SLC8A3: variants seen among roughly 807,000 people sequenced by gnomAD.
SLC8A3 encodes sodium/calcium exchanger 3.
A neutral mutation model predicts 65.4 loss-of-function variants in SLC8A3; 37 were observed. The ratio of observed to expected loss-of-function variants is 0.57; its 90% CI spans 0.44 to 0.74. The LOEUF (loss-of-function observed/expected upper bound fraction) is 0.74. Among genes scored for constraint, SLC8A3 ranks in the 30% least tolerant of loss-of-function variants. The pLI, the probability that SLC8A3 is intolerant of heterozygous loss-of-function variation, is 0.00. For missense variants in SLC8A3, 1,112 were observed against 1,172.1 expected (o/e 0.95, Z 0.75); for synonymous variants, 461 against 444.5 (o/e 1.04, Z -0.47).
intron 3 of SLC8A3, among the ~76,000 whole-genome samples, chr14:70,053,196 G>C (rs889977522): frequency 6.6e-6 from 1 of 152,196 alleles, no homozygotes; most frequent in Non-Finnish European, 1.5e-5. Flanking sequence ...CCGTGGTGCT[G>C]TCCTTCCTCT....
intron 1 of SLC8A3, among the ~76,000 whole-genome samples, chr14:70,187,567 C>T (rs1016980015): frequency 2.7e-5 from 4 of 150,354 alleles, no homozygotes; most frequent in African/African-American, 7.4e-5. Context: ...CCTGTAGGAG[C>T]AGCAGCGCTA....
chr14:70,099,205 T>C (rs1259886047), intron 2 of SLC8A3, among the ~76,000 whole-genome samples: 1 of 152,218 alleles, frequency 6.6e-6, no homozygotes, highest in Non-Finnish European at 1.5e-5. Flanking sequence ...CAGCAAACTA[T>C]GATTCACAGA....
chr14:70,146,643 A>T (rs748420224), intron 2 of SLC8A3, among the ~76,000 whole-genome samples: 7 of 152,232 alleles, frequency 4.6e-5, no homozygotes, highest in Non-Finnish European at 8.8e-5. Flanking sequence ...GCCTGACTGC[A>T]TATTCATAGC....
chr14:70,073,179 G>T (rs757035476), intron 2 of SLC8A3, among the ~76,000 whole-genome samples: 29 of 152,238 alleles, frequency 1.9e-4, no homozygotes, highest in Middle Eastern at 3.4e-3. Context: ...ATTCATGTGA[G>T]TGGGGGTATG....
intron 2 of SLC8A3, among the ~76,000 whole-genome samples, chr14:70,082,286 G>T (rs1006126216): frequency 8.5e-5 from 13 of 152,092 alleles, no homozygotes; most frequent in African/African-American, 1.9e-4. Flanking sequence ...TAATTTCTTG[G>T]GGGGGTGACC....
At chr14:70,102,631 C>A (rs549612734) in intron 2 of SLC8A3, among the ~76,000 whole-genome samples, 13 of 152,146 alleles carry the variant, frequency 8.5e-5, no homozygotes, top group African/African-American at 3.1e-4. Flanking sequence ...AAAATCTTAG[C>A]AGAGAAATTA....
At chr14:70,084,635 G>T (rs1400138752) in intron 2 of SLC8A3, among the ~76,000 whole-genome samples, 1 of 152,200 alleles carries the variant, frequency 6.6e-6, no homozygotes, top group Non-Finnish European at 1.5e-5. Flanking sequence ...AGGGAATGTG[G>T]TGTTTTGGAG....
At chr14:70,184,933 TGAAGG>T (rs1883059577) in intron 1 of SLC8A3, among the ~76,000 whole-genome samples, 1 of 151,894 alleles carries the variant, frequency 6.6e-6, no homozygotes, top group Non-Finnish European at 1.5e-5. Flanking sequence ...CAGGCTTAAG[TGAAGG>T]GGGTTATTCC....
chr14:70,183,062 T>C (rs932628607), intron 1 of SLC8A3, among the ~76,000 whole-genome samples: 1 of 152,204 alleles, frequency 6.6e-6, no homozygotes, highest in Admixed American at 6.5e-5. Context: ...TTCGAGGTCC[T>C]CTCCTGTCTA....
intron 2 of SLC8A3, among the ~76,000 whole-genome samples, chr14:70,146,477 G>T (rs1032056250): frequency 3.0e-4 from 45 of 152,194 alleles, no homozygotes; most frequent in Middle Eastern, 6.8e-3. Flanking sequence ...GCCCAGCAAG[G>T]GAAAAGGAAG....
In SLC8A3 at chr14:70,046,415, T is replaced by C. The variant is rs146152829; in HGVS notation, c.2390-92A>G. On this transcript the variant is annotated intron_variant, in intron 6 of 6. Transcript: ENST00000356921. This position sits in a 1 kb window ranked among gnomAD's most constrained non-coding sequence, Gnocchi z 4.2. ...ATGCCCAAAAAGCAGCTTGAGCTGG[T>C]GGGCTGAACCCAGGAATGAGAGACA... The C allele has an allele frequency of 1.2e-3, 1,604 of 1,345,062 alleles. 25 individuals carry two copies. In the Admixed American group the frequency reaches 0.028, roughly 23 times the overall value. 83.3% of individuals were successfully genotyped at this position (1,345,062 alleles called of 1,614,324 possible). A position where few individuals can be genotyped will look rare whatever the true frequency, so the allele number is the denominator to read the frequency against.
chr14:70,114,247 A>G (rs913575150), intron 2 of SLC8A3, among the ~76,000 whole-genome samples: 1 of 152,142 alleles, frequency 6.6e-6, no homozygotes, highest in African/African-American at 2.4e-5. Context: ...ACATCTGAGG[A>G]TCATCTAGGA....
intron 1 of SLC8A3, among the ~76,000 whole-genome samples, chr14:70,183,939 C>T (rs1431719975): frequency 1.3e-5 from 2 of 152,244 alleles, no homozygotes; most frequent in Non-Finnish European, 2.9e-5. Context: ...CAAGCTCCAT[C>T]CTATAAAGCC....
In SLC8A3 at chr14:70,166,665, C is replaced by T. The variant is rs1283495010; in HGVS notation, c.1758G>A (p.Glu586=). 1 of 1,597,292 alleles carries T rather than the reference C, an allele frequency of 6.3e-7. No homozygotes were observed. The highest frequency in any genetic ancestry group is 8.5e-7 in the Non-Finnish European group (1 of 1,171,352). ...CAGTTTCATCATTCTTGAATTCCAA[C>T]TCCCCATATGTGTCTTCAAAGTCCT... ...GGEDFEDTYG[E]LEFKNDETVK... is the part of the protein sequence containing the mutation. Residue 586 remains glutamate, a synonymous_variant, in exon 2 of 7, where the codon GAG becomes GAA. Transcript: ENST00000356921.
At chr14:70,053,564 T>A (rs140677520) in intron 3 of SLC8A3, among the ~76,000 whole-genome samples, 1 of 152,376 alleles carries the variant, frequency 6.6e-6, no homozygotes, top group Non-Finnish European at 1.5e-5. Context: ...ATACTTTACA[T>A]GTGACACAAT....
intron 2 of SLC8A3, among the ~76,000 whole-genome samples, chr14:70,124,270 T>C (rs1232443248): frequency 6.6e-6 from 1 of 152,218 alleles, no homozygotes; most frequent in Non-Finnish European, 1.5e-5. Context: ...AAGTTGATAA[T>C]GTCTGCTCTA....
At chr14:70,050,253 TAGC>T (rs369376146) in intron 5 of SLC8A3, among the ~76,000 whole-genome samples, 109 of 151,918 alleles carry the variant, frequency 7.2e-4, no homozygotes, top group African/African-American at 2.1e-3. Flanking sequence ...AAAAGTGGGG[TAGC>T]AGCAGCAGCA....
chr14:70,121,478 T>C (rs891188583), intron 2 of SLC8A3, among the ~76,000 whole-genome samples: 7 of 152,254 alleles, frequency 4.6e-5, no homozygotes, highest in African/African-American at 1.7e-4. Flanking sequence ...AGCTTTGACA[T>C]GTGGTTGCTG....
chr14:70,092,189 C>T (rs1176029802), intron 2 of SLC8A3, among the ~76,000 whole-genome samples: 1 of 152,152 alleles, frequency 6.6e-6, no homozygotes, highest in Non-Finnish European at 1.5e-5. Context: ...CTTGCCCTTC[C>T]CAGATCCTCA....
Sources: allele counts gnomAD v4.1 joint callset (sites outside exome capture counted in the v4.1 genomes callset), GRCh38; gene constraint gnomAD v4.1.1; non-coding constraint Gnocchi (gnomAD v3.1); transcripts MANE v1.5; gene names NCBI Gene and HGNC (gene_info 2026-07-23, HGNC 2026-07-21).